Variants in DPP6 observed in about 807,000 individuals in gnomAD.
DPP6 encodes the protein A-type potassium channel modulatory protein DPP6.
In DPP6, 69 loss-of-function variants were observed where a neutral mutation model predicts 122.6. The ratio of observed to expected loss-of-function variants is 0.56; its 90% CI spans 0.46 to 0.69. DPP6 has a LOEUF of 0.69. Among genes scored for constraint, DPP6 ranks in the 30% least tolerant of loss-of-function variants. The pLI is 0.00. For missense variants in DPP6, 928 were observed against 1,116.9 expected (o/e 0.83, Z 2.41); for synonymous variants, 418 against 433.1 (o/e 0.97, Z 0.43).
chr7:154,186,358 A>G (rs900096034), intron 1 of DPP6, among the ~76,000 whole-genome samples: 11 of 152,248 alleles, frequency 7.2e-5, no homozygotes, highest in Admixed American at 7.2e-4. Context: ...TATGGTGATG[A>G]ACAAAAGACT....
chr7:154,443,657 AATAG>A (rs1351341196), intron 1 of DPP6, among the ~76,000 whole-genome samples: 2 of 147,666 alleles, frequency 1.4e-5, no homozygotes, highest in African/African-American at 5.2e-5. Context: ...GATGTGGATG[AATAG>A]ATGGATGGAT....
the DPP6 span, among the ~76,000 whole-genome samples, chr7:153,860,736 C>T: frequency 6.6e-6 from 1 of 152,050 alleles, no homozygotes; most frequent in Admixed American, 6.5e-5. Context: ...GTGGGTACTT[C>T]CTGTTGTCCT....
In DPP6 at chr7:154,605,101, A is replaced by G. The variant is rs1266835666; in HGVS notation, c.628-32720A>G. On this transcript the variant is annotated intron_variant, in intron 5 of 25. Transcript: ENST00000377770. ...TTCATATTTTGAATTATAAATATGC[A>G]CTGTGTTTTCAAAGAATTTATTTTT... Among the ~76,000 whole-genome samples the G allele has an allele frequency of 2.5e-5, 3 of 118,502 alleles. 1 individual carries two copies. The highest frequency in any genetic ancestry group is 9.6e-5 in the Admixed American group (1 of 10,414). The allele number at this position is 118,502 out of a possible 152,430, so 77.7% of individuals were successfully genotyped here. A position where few individuals can be genotyped will look rare whatever the true frequency, so the allele number is the denominator to read the frequency against.
chr7:154,082,911 T>G (rs1191517852), intron 1 of DPP6, among the ~76,000 whole-genome samples: 1 of 148,334 alleles, frequency 6.7e-6, no homozygotes, highest in African/African-American at 2.5e-5. Context: ...TGCAGTGGTG[T>G]GATCTCAGCT....
At chr7:154,425,621 G>GGTGTGTGTGTGTGT (rs3056535) in intron 1 of DPP6, among the ~76,000 whole-genome samples, 1 of 121,514 alleles carries the variant, frequency 8.2e-6, no homozygotes, top group African/African-American at 4.2e-5. Context: ...TGTGTGTGTG[G>GGTGTGTGTGTGTGT]GTGTGTGTGT....
At chr7:154,722,176 C>A (rs1228946952) in intron 7 of DPP6, among the ~76,000 whole-genome samples, 1 of 152,172 alleles carries the variant, frequency 6.6e-6, no homozygotes, top group South Asian at 2.1e-4. Flanking sequence ...GCCTGCACAA[C>A]AGAGAAAGAC....
intron 4 of DPP6, among the ~76,000 whole-genome samples, chr7:154,544,123 A>C (rs1243646925): frequency 2.7e-5 from 4 of 147,476 alleles, no homozygotes; most frequent in Non-Finnish European, 6.0e-5. Flanking sequence ...ATATATATAC[A>C]CACAAATATA....
chr7:154,339,822 C>G (rs1275528914), intron 1 of DPP6, among the ~76,000 whole-genome samples: 4 of 152,104 alleles, frequency 2.6e-5, no homozygotes, highest in Non-Finnish European at 4.4e-5. Context: ...CGCCTGTAAT[C>G]CCAGCACTTT....
chr7:154,640,295 A>G (rs1240734707), intron 6 of DPP6, among the ~76,000 whole-genome samples: 1 of 152,152 alleles, frequency 6.6e-6, no homozygotes, highest in Non-Finnish European at 1.5e-5. Flanking sequence ...AAAGGTCACA[A>G]TGCAGAGAAC....
chr7:154,372,724 G>A (rs572686931), intron 1 of DPP6, among the ~76,000 whole-genome samples: 3 of 152,272 alleles, frequency 2.0e-5, no homozygotes, highest in African/African-American at 7.2e-5. Context: ...ATTAAAATAG[G>A]AAAGCAACGG....
chr7:154,101,698 C>T (rs1345481268), intron 1 of DPP6, among the ~76,000 whole-genome samples: 8 of 151,752 alleles, frequency 5.3e-5, no homozygotes, highest in South Asian at 4.2e-4. Context: ...GAGGCTGAGG[C>T]GGGCGGATCA....
At chr7:153,788,761 C>T in the DPP6 span, among the ~76,000 whole-genome samples, 3 of 152,114 alleles carry the variant, frequency 2.0e-5, no homozygotes, top group East Asian at 1.9e-4. Context: ...GTCAGGAGTT[C>T]GAGACCAGCC....
the DPP6 span, among the ~76,000 whole-genome samples, chr7:153,835,271 G>C: frequency 6.6e-6 from 1 of 152,108 alleles, no homozygotes; most frequent in Non-Finnish European, 1.5e-5. Flanking sequence ...AACAGTTAGA[G>C]GAAGCATTGT....
chr7:154,688,076 C>T (rs976183359), intron 7 of DPP6, among the ~76,000 whole-genome samples: 1 of 152,246 alleles, frequency 6.6e-6, no homozygotes, highest in Admixed American at 6.5e-5. Flanking sequence ...CTTCACCACA[C>T]AGATGGGGCA....
At chr7:154,200,859 C>G (rs773650232) in intron 1 of DPP6, among the ~76,000 whole-genome samples, 1 of 152,110 alleles carries the variant, frequency 6.6e-6, no homozygotes, top group Non-Finnish European at 1.5e-5. Context: ...CAAATGCTGT[C>G]CAAGAAAGCA....
At chr7:154,711,633 G>A (rs560213061) in intron 7 of DPP6, among the ~76,000 whole-genome samples, 68 of 137,774 alleles carry the variant, frequency 4.9e-4, no homozygotes, top group African/African-American at 1.7e-3. Flanking sequence ...TGGAATTCAG[G>A]GTTCCATTTC....
At chr7:154,082,593 G>T (rs1804100128) in intron 1 of DPP6, among the ~76,000 whole-genome samples, 1 of 151,708 alleles carries the variant, frequency 6.6e-6, no homozygotes, top group Admixed American at 6.6e-5. Flanking sequence ...TCACAGAAGG[G>T]GCCCACTAAG....
At chr7:153,913,883 A>T (rs1157569613) in intron 1 of DPP6, among the ~76,000 whole-genome samples, 1 of 152,202 alleles carries the variant, frequency 6.6e-6, no homozygotes, top group Non-Finnish European at 1.5e-5. Flanking sequence ...AACTCTTAAC[A>T]TTTGAAAATT....
chr7:153,774,789 A>G, the DPP6 span, among the ~76,000 whole-genome samples: 1 of 152,046 alleles, frequency 6.6e-6, no homozygotes, highest in Non-Finnish European at 1.5e-5. Flanking sequence ...ACAGAGCAAG[A>G]CGTCGTTTCT....
Sources: allele counts gnomAD v4.1 joint callset (sites outside exome capture counted in the v4.1 genomes callset), GRCh38; gene constraint gnomAD v4.1.1; transcripts MANE v1.5; gene names NCBI Gene and HGNC (gene_info 2026-07-23, HGNC 2026-07-21).